LMNB1: variants seen among roughly 807,000 people sequenced by gnomAD.
LMNB1 encodes the protein lamin-B1.
Under a neutral mutation model 67.1 loss-of-function variants are expected in LMNB1, and 23 were observed. That is an observed-to-expected ratio of 0.34 (90% CI 0.25 to 0.49). The LOEUF is 0.49. LMNB1 is among the 20% of genes least tolerant of loss of function. LMNB1 has a pLI of 0.99. For missense variants in LMNB1, 634 were observed against 746.5 expected, an observed-to-expected ratio of 0.85 and a Z score of 1.76; for synonymous variants, 281 against 282.9, an observed-to-expected ratio of 0.99 and a Z score of 0.07.
At chr5:126,787,534 ATATATATATATATTT>A (rs1246233254) in intron 1 of LMNB1, among the ~76,000 whole-genome samples, 2 of 88,732 alleles carry the variant, frequency 2.3e-5, no homozygotes, top group East Asian at 5.2e-4. Flanking sequence ...GTATATATAT[ATATATATATATATTT>A]TTTTTTTTTT....
chr5:126,826,147 A>C (rs368078338), intron 9 of LMNB1, 40 bp downstream of exon 9: 10 of 1,578,000 alleles, frequency 6.3e-6, no homozygotes, highest in Middle Eastern at 1.7e-4. Flanking sequence ...TGTTAATTTC[A>C]CTTAAAGTTC....
At chr5:126,797,345 T>G (rs936314528) in intron 1 of LMNB1, among the ~76,000 whole-genome samples, 4 of 152,246 alleles carry the variant, frequency 2.6e-5, no homozygotes, top group Admixed American at 6.5e-5. Flanking sequence ...ATATTTCTAG[T>G]ATTAGATTCA....
intron 3 of LMNB1, among the ~76,000 whole-genome samples, chr5:126,807,354 T>C (rs1343446760): frequency 6.6e-6 from 1 of 152,152 alleles, no homozygotes; most frequent in Non-Finnish European, 1.5e-5. Context: ...GGAGGAAAAA[T>C]AATAGAAATC....
chr5:126,820,585 G>C (rs1751840291), intron 6 of LMNB1, among the ~76,000 whole-genome samples: 1 of 152,082 alleles, frequency 6.6e-6, no homozygotes, highest in Admixed American at 6.6e-5. Context: ...GAGTGCAGTG[G>C]TGTGATCTCA....
At chr5:126,798,173 G>A (rs1751157419) in intron 1 of LMNB1, among the ~76,000 whole-genome samples, 2 of 149,714 alleles carry the variant, frequency 1.3e-5, no homozygotes, top group South Asian at 4.2e-4. Context: ...AAACAAGCTG[G>A]GCGCGGTGGC....
At chr5:126,818,889 C>A in intron 5 of LMNB1, 33 bp from the exon 6 acceptor site, 1 of 1,493,052 alleles carries the variant, frequency 6.7e-7, no homozygotes, top group Non-Finnish European at 9.3e-7. Flanking sequence ...TGGAATGTTC[C>A]TAGAAAGTAA....
chr5:126,810,089 T>C lies in LMNB1; in HGVS notation c.643-91T>C, dbSNP rs1254442102. ...GGACAAACAGGAGGAAGTTCGTGTG[T>C]AAAACTTCAGATGGCTGTGATGTCA... is the stretch of plus-strand genomic sequence containing the variant. On this transcript the variant is annotated intron_variant, in intron 3 of 10. Transcript: ENST00000261366. 4.0e-6 allele frequency: 5 copies of C among 1,259,066 alleles called. No homozygotes were observed. In the African/African-American group the frequency reaches 4.4e-5, roughly 11 times the overall value. 78.0% of individuals were successfully genotyped at this position (1,259,066 alleles called of 1,614,324 possible).
rs1287205720 is a variant in LMNB1 at position 126,790,754 on chromosome 5, T to A, written c.359+12887T>A. ...AGTTTGGGTATAGAATTCTAGGTTG[T>A]AAATGCTATTTTCTTAGACTTTTGA... On this transcript the variant is annotated intron_variant, in intron 1 of 10. Coordinates refer to ENST00000261366, the MANE Select transcript of LMNB1 (RefSeq NM_005573.4). Among the ~76,000 whole-genome samples, 3 of 152,046 alleles carry A rather than the reference T, an allele frequency of 2.0e-5. No homozygotes were observed. The East Asian group carries it at 5.8e-4, about 29-fold the overall frequency.
chr5:126,786,153 C>T (rs1336738841), intron 1 of LMNB1, among the ~76,000 whole-genome samples: 4 of 134,610 alleles, frequency 3.0e-5, no homozygotes, highest in Non-Finnish European at 1.6e-5. Flanking sequence ...CTGGCTCTGT[C>T]GCCCAGGCTG....
intron 1 of LMNB1, among the ~76,000 whole-genome samples, chr5:126,790,951 G>A (rs1219670427): frequency 6.6e-6 from 1 of 151,922 alleles, no homozygotes; most frequent in African/African-American, 2.4e-5. Context: ...AACCCGGGAG[G>A]TGGAGGTTGC....
chr5:126,803,223 C>T (rs1437411963), intron 1 of LMNB1, among the ~76,000 whole-genome samples: 4 of 150,842 alleles, frequency 2.7e-5, no homozygotes, highest in Non-Finnish European at 5.9e-5. Context: ...AAAGAAACTT[C>T]AGTTTGAACC....
At chr5:126,825,846 A>C in intron 8 of LMNB1, 142 bp from the exon 9 acceptor site, 2 of 1,094,880 alleles carry the variant, frequency 1.8e-6, no homozygotes, top group East Asian at 5.1e-5. Context: ...TCTCCTGGCC[A>C]CATAGCTGTG....
Position 126,836,123 on chromosome 5 carries a change from A to G in LMNB1, c.1720-100A>G, listed in dbSNP as rs915350297. 9 of 813,080 alleles carry G rather than the reference A, an allele frequency of 1.1e-5. No homozygotes were observed. The African/African-American group carries it at 1.5e-4, about 14-fold the overall frequency. The allele number at this position is 813,080 out of a possible 1,614,324, so 50.4% of individuals were successfully genotyped here. A position where few individuals can be genotyped will look rare whatever the true frequency, so the allele number is the denominator to read the frequency against. On this transcript the variant is annotated intron_variant, in intron 10 of 10. Coordinates refer to ENST00000261366, the MANE Select transcript of LMNB1 (RefSeq NM_005573.4). ...TAAAGGGTCCATTTGAGGTTAGGTA[A>G]TATGGTTTGGTATCCCTGTAGTTAA...
chr5:126,822,301 T>G (rs996104380), intron 7 of LMNB1, among the ~76,000 whole-genome samples: 1 of 152,146 alleles, frequency 6.6e-6, no homozygotes, highest in African/African-American at 2.4e-5. Context: ...CACTGACCCT[T>G]TTTTTGAGCC....
In LMNB1 at chr5:126,812,613, A is replaced by G. The variant is rs556576217; in HGVS notation, c.939+715A>G. Among the ~76,000 whole-genome samples, 5 of 152,204 alleles carry G rather than the reference A, an allele frequency of 3.3e-5. No homozygotes were observed. In the East Asian group the frequency reaches 7.7e-4, roughly 23 times the overall value. ...ATACTGCATTCAGAATGATTCAGCA[A>G]TTAACTCGTCACCTTAATTATTTTG... On this transcript the variant is annotated intron_variant, in intron 5 of 10. Transcript: ENST00000261366.
chr5:126,809,977 TG>T (rs1751543479), intron 3 of LMNB1, among the ~76,000 whole-genome samples: 1 of 150,090 alleles, frequency 6.7e-6, no homozygotes, highest in Non-Finnish European at 1.5e-5. Flanking sequence ...AGGCTTGAGA[TG>T]CTACCACTTC....
chr5:126,809,508 G>A (rs1303092529), intron 3 of LMNB1, among the ~76,000 whole-genome samples: 2 of 152,124 alleles, frequency 1.3e-5, no homozygotes, highest in Non-Finnish European at 2.9e-5. Flanking sequence ...CCAACATGGG[G>A]AAATCTCATC....
intron 3 of LMNB1, among the ~76,000 whole-genome samples, chr5:126,808,192 T>G (rs1751499073): frequency 6.8e-6 from 1 of 146,406 alleles, no homozygotes; most frequent in Admixed American, 6.8e-5. Flanking sequence ...TAAAAAAAAT[T>G]TTTTTGTGTG....
intron 5 of LMNB1, among the ~76,000 whole-genome samples, chr5:126,815,930 CA>C (rs1189796260): frequency 2.0e-5 from 3 of 152,250 alleles, no homozygotes; most frequent in Middle Eastern, 3.4e-3. Flanking sequence ...CAAAGGCAGT[CA>C]AACAGAGACA....
Sources: allele counts gnomAD v4.1 joint callset (sites outside exome capture counted in the v4.1 genomes callset), GRCh38; gene constraint gnomAD v4.1.1; transcripts MANE v1.5; gene names NCBI Gene and HGNC (gene_info 2026-07-23, HGNC 2026-07-21).